WDR27: variants seen among roughly 807,000 people sequenced by gnomAD.
WDR27 encodes the protein WD repeat domain 27, also known as WD repeat-containing protein 27.
WDR27 carries 100 observed loss-of-function variants against 114.4 expected under a neutral mutation model. The ratio of observed to expected loss-of-function variants is 0.87; its 90% confidence interval spans 0.74 to 1.03. WDR27 has a LOEUF of 1.03. Ranked by LOEUF, WDR27 falls within the 50% of genes least tolerant of loss-of-function variation. WDR27 has a pLI of 0.00. For synonymous variants in WDR27, 449 were observed against 423.1 expected (o/e 1.06, Z -0.75); for missense variants, 1,129 against 1,092.9 (o/e 1.03, Z -0.47).
intron 25 of WDR27, among the ~76,000 whole-genome samples, chr6:169,528,359 G>A (rs910420419): frequency 3.9e-5 from 6 of 151,980 alleles, no homozygotes; most frequent in African/African-American, 1.2e-4. Context: ...ATTTTTTGCG[G>A]TCTAACAACT....
At chr6:169,613,235 G>T (rs1811021404) in intron 22 of WDR27, among the ~76,000 whole-genome samples, 1 of 152,174 alleles carries the variant, frequency 6.6e-6, no homozygotes, top group Non-Finnish European at 1.5e-5. Context: ...GCACCCAGTG[G>T]AGATGGGAAC....
chr6:169,496,516 G>C (rs1311411429), intron 25 of WDR27, among the ~76,000 whole-genome samples: 1 of 152,088 alleles, frequency 6.6e-6, no homozygotes, highest in Non-Finnish European at 1.5e-5. Flanking sequence ...AATTATCTTT[G>C]TTTGCAGATA....
chr6:169,697,054 G>A (rs1395772416), intron 1 of WDR27, among the ~76,000 whole-genome samples: 1 of 152,196 alleles, frequency 6.6e-6, no homozygotes, highest in Non-Finnish European at 1.5e-5. Flanking sequence ...GACACGAGCT[G>A]TTCCAGTATA....
chr6:169,435,000 C>A, the WDR27 span, among the ~76,000 whole-genome samples: 1 of 152,220 alleles, frequency 6.6e-6, no homozygotes, highest in Non-Finnish European at 1.5e-5. Flanking sequence ...GGGCCCAGGG[C>A]ACCCCTGCTG....
intron 25 of WDR27, among the ~76,000 whole-genome samples, chr6:169,502,799 G>A (rs1213165719): frequency 6.6e-6 from 1 of 152,104 alleles, no homozygotes; most frequent in Non-Finnish European, 1.5e-5. Context: ...CCACGTTCCA[G>A]GGGTTAGGAC....
At position 169,649,184 on chromosome 6, in the gene WDR27, G is replaced by A. The variant is rs199998838; in HGVS notation, c.1559+14C>T. The A allele has an allele frequency of 7.9e-4, 1,233 of 1,559,974 alleles. 17 individuals carry two copies. In the South Asian group the frequency reaches 0.013, roughly 16 times the overall value. ...TATTTCAAATGTACTTGGAATGCAC[G>A]CTACATCACACACCGTGCGCAGCTG... On this transcript the variant is annotated intron_variant, in intron 15 of 25. Coordinates refer to ENST00000448612, the MANE Select transcript of WDR27 (RefSeq NM_182552.5).
intron 21 of WDR27, among the ~76,000 whole-genome samples, chr6:169,623,166 C>CCGATCAATAAACTGGTTCAG (rs2128202103): frequency 6.6e-6 from 1 of 152,202 alleles, no homozygotes; most frequent in African/African-American, 2.4e-5. Flanking sequence ...GGTACCCCAC[C>CCGATCAATAAACTGGTTCAG]CGATCAATAA....
At chr6:169,624,101 A>C (rs1814072822) in intron 21 of WDR27, among the ~76,000 whole-genome samples, 1 of 149,936 alleles carries the variant, frequency 6.7e-6, no homozygotes, top group South Asian at 2.1e-4. Context: ...ATGTGGCATC[A>C]GGTGTGCCGT....
intron 25 of WDR27, among the ~76,000 whole-genome samples, chr6:169,554,272 C>T (rs3765399): frequency 0.11 from 17,252 of 152,094 alleles, 2,065 homozygotes; most frequent in East Asian, 0.62. Context: ...CTGGGTGGGA[C>T]GGGGCTGCAG....
rs560846213 is a variant in WDR27, at chr6:169,686,746, C to A, written c.189+2071G>T. On this transcript the variant is annotated intron_variant, in intron 2 of 25. Transcript: ENST00000448612. ...CAAAATATGGAATCAACCTAAGCAT[C>A]CATCCACAGATAAATGGATAAAGAA... is the stretch of plus-strand genomic sequence containing the variant. Among the ~76,000 whole-genome samples, 53 of 152,244 alleles carry A rather than the reference C, an allele frequency of 3.5e-4. No homozygotes were observed. In the South Asian group the frequency reaches 0.011, roughly 30 times the overall value.
intron 2 of WDR27, 40 bp downstream of exon 2, chr6:169,688,777 C>G: frequency 6.6e-7 from 1 of 1,507,332 alleles, no homozygotes. Flanking sequence ...GAGACAAGGG[C>G]AAGGCCTTCA....
chr6:169,551,850 C>T (rs968116449), intron 25 of WDR27, among the ~76,000 whole-genome samples: 12 of 152,078 alleles, frequency 7.9e-5, no homozygotes, highest in Admixed American at 5.2e-4. Flanking sequence ...GTCATAACCA[C>T]GCAACTCCGC....
chr6:169,481,996 C>T (rs1174214474), intron 25 of WDR27, among the ~76,000 whole-genome samples: 2 of 152,204 alleles, frequency 1.3e-5, no homozygotes, highest in African/African-American at 4.8e-5. Flanking sequence ...TTGTTTCCCT[C>T]TATGTGCCAT....
rs1789201483 is a variant in WDR27, at chr6:169,488,142, C to T, written c.2646-30508G>A. 2.6e-5 allele frequency among the ~76,000 whole-genome samples: 4 copies of T among 152,296 alleles called. No individual in the cohort carries two copies. The South Asian group carries it at 8.3e-4, about 32-fold the overall frequency. On this transcript the variant is annotated intron_variant, in intron 25 of 25. Transcript: ENST00000448612. ...AGGCACAGAAACCAACATGTAGTTG[C>T]AATAAAGAGAGAAATCCACAGCATT...
intron 25 of WDR27, among the ~76,000 whole-genome samples, 155 bp downstream of exon 25, chr6:169,572,264 G>C (rs1453902088): frequency 6.6e-6 from 1 of 152,048 alleles, no homozygotes; most frequent in Non-Finnish European, 1.5e-5. Flanking sequence ...TTCTGGGCCG[G>C]GCGTGGTGGC....
chr6:169,497,092 A>G (rs1790501319), intron 25 of WDR27, among the ~76,000 whole-genome samples: 1 of 152,158 alleles, frequency 6.6e-6, no homozygotes, highest in Non-Finnish European at 1.5e-5. Context: ...AGACAGACAT[A>G]TAGACCAATA....
At chr6:169,504,886 A>C (rs968031177) in intron 25 of WDR27, among the ~76,000 whole-genome samples, 6 of 152,112 alleles carry the variant, frequency 3.9e-5, no homozygotes, top group African/African-American at 1.2e-4. Context: ...GGTATGATCT[A>C]CTACACCTGG....
chr6:169,481,358 T>G (rs181212608), intron 25 of WDR27, among the ~76,000 whole-genome samples: 3 of 152,074 alleles, frequency 2.0e-5, no homozygotes, highest in African/African-American at 7.2e-5. Context: ...ACCAATCAGC[T>G]CTCTGTAAAA....
At chr6:169,656,959 G>A (rs73240739) in intron 13 of WDR27, among the ~76,000 whole-genome samples, 10,379 of 152,222 alleles carry the variant, frequency 0.068, 656 homozygotes, top group East Asian at 0.19. Flanking sequence ...GAGCCTGGCC[G>A]CCTCCCCCCG....
Sources: allele counts gnomAD v4.1 joint callset (sites outside exome capture counted in the v4.1 genomes callset), GRCh38; gene constraint gnomAD v4.1.1; transcripts MANE v1.5; gene names NCBI Gene and HGNC (gene_info 2026-07-23, HGNC 2026-07-21).